DAPK1: variants seen among roughly 807,000 people sequenced by gnomAD.
The protein encoded by DAPK1 is death associated protein kinase 1.
In DAPK1, 56 loss-of-function variants were observed where a neutral mutation model predicts 144.9. The observed-to-expected ratio is 0.39, with a 90% CI of 0.31 to 0.48. DAPK1 has a LOEUF of 0.48. DAPK1 is among the 20% of genes least tolerant of loss of function. DAPK1 has a pLI of 0.95. For missense variants in DAPK1, 1,454 were observed against 1,875.4 expected (o/e 0.78, Z 4.15); for synonymous variants, 690 against 749.0 (o/e 0.92, Z 1.29).
At chr9:87,498,874 G>A (rs369640300) in intron 1 of DAPK1, 96 bp from the exon 2 acceptor site, 2 of 507,226 alleles carry the variant, frequency 3.9e-6, no homozygotes, top group Non-Finnish European at 3.6e-6. Context: ...CCGGAGACCC[G>A]GTCTTCAGCG....
intron 17 of DAPK1, among the ~76,000 whole-genome samples, chr9:87,654,942 C>T (rs1161394025): frequency 6.6e-6 from 1 of 152,178 alleles, no homozygotes; most frequent in African/African-American, 2.4e-5. Context: ...AAGACAGTCC[C>T]AGACTTTCAT....
chr9:87,669,769 G>GA (rs1018655550), intron 19 of DAPK1, among the ~76,000 whole-genome samples: 7 of 151,776 alleles, frequency 4.6e-5, no homozygotes, highest in Non-Finnish European at 5.9e-5. Context: ...GGGGCAGGGG[G>GA]GGGCCACAGA....
intron 23 of DAPK1, among the ~76,000 whole-genome samples, chr9:87,699,798 T>G (rs1825394864): frequency 6.6e-6 from 1 of 152,218 alleles, no homozygotes; most frequent in South Asian, 2.1e-4. Context: ...TGTCCTCACT[T>G]GTAAGGTGCG....
rs1824240870 is a variant in DAPK1, at chr9:87,498,003, C to T, written c.-213C>T. The T allele has an allele frequency of 2.5e-6, 1 of 397,676 alleles. No individual in the cohort carries two copies. Among genetic ancestry groups the T allele is most frequent in the East Asian group, 3.6e-5 (1 of 28,022 alleles). The allele number at this position is 397,676 out of a possible 1,614,324, so 24.6% of individuals were successfully genotyped here. ...AGGGATCTGCGCCCCCCACTCACTCCCTAGCTGTGTTCCCGCCGCCGCCCC... is the reference window on the plus strand; with the variant it reads ...AGGGATCTGCGCCCCCCACTCACTCTCTAGCTGTGTTCCCGCCGCCGCCCC... On this transcript the variant is annotated 5_prime_UTR_variant, in exon 1 of 26. Coordinates refer to ENST00000408954, the MANE Select transcript of DAPK1 (RefSeq NM_004938.4).
chr9:87,609,882 T>A (rs1006982993), intron 3 of DAPK1, among the ~76,000 whole-genome samples: 5 of 152,096 alleles, frequency 3.3e-5, no homozygotes, highest in African/African-American at 1.2e-4. Context: ...ATGAAGCGGG[T>A]CCCCTTGTTG....
upstream of DAPK1, among the ~76,000 whole-genome samples, chr9:87,497,500 C>T (rs932285827): frequency 2.0e-5 from 3 of 152,218 alleles, no homozygotes; most frequent in East Asian, 5.8e-4. Context: ...AGCACCGTGC[C>T]CGGCACAAGC....
At chr9:87,617,643 T>G (rs1829144947) in intron 3 of DAPK1, among the ~76,000 whole-genome samples, 5 of 152,156 alleles carry the variant, frequency 3.3e-5, no homozygotes, top group Admixed American at 2.6e-4. Flanking sequence ...AGTGTATTAA[T>G]TTGTATGCAG....
Position 87,582,134 on chromosome 9 carries a change from CT to C in DAPK1, c.63-22811del, listed in dbSNP as rs145183230. Among the ~76,000 whole-genome samples the C allele has an allele frequency of 8.4e-3, 1,263 of 150,308 alleles. 22 individuals carry two copies. The highest frequency in any genetic ancestry group is 0.029 in the African/African-American group (1,197 of 41,100). On this transcript the variant is annotated intron_variant, in intron 2 of 25. Transcript: ENST00000408954. ...ACCAGGTGGAGCCTTCTCCTCCGGT[CT>C]TTTTTTTTAATGAGCTGGAGTAGCT...
chr9:87,658,152 A>T (rs367700190), intron 18 of DAPK1, 25 bp downstream of exon 18: 4 of 956,336 alleles, frequency 4.2e-6, no homozygotes, highest in Non-Finnish European at 6.8e-6. Flanking sequence ...GGCTTCGTGA[A>T]GGAGGGAGCT....
At chr9:87,684,315 G>A (rs1444219558) in intron 20 of DAPK1, among the ~76,000 whole-genome samples, 1 of 152,220 alleles carries the variant, frequency 6.6e-6, no homozygotes, top group Non-Finnish European at 1.5e-5. Flanking sequence ...CTGCCAGGGG[G>A]CACTGCTCGT....
At chr9:87,598,543 T>G (rs1458367204) in intron 2 of DAPK1, among the ~76,000 whole-genome samples, 1 of 152,116 alleles carries the variant, frequency 6.6e-6, no homozygotes, top group East Asian at 1.9e-4. Context: ...CATGTCTGGA[T>G]CAGGGCCAGC....
intron 21 of DAPK1, among the ~76,000 whole-genome samples, chr9:87,694,640 G>A (rs1045508799): frequency 6.6e-6 from 1 of 152,188 alleles, no homozygotes; most frequent in African/African-American, 2.4e-5. Flanking sequence ...TTCTGTCCTT[G>A]GGGCAGATGA....
In DAPK1 at chr9:87,500,600, A is replaced by ATAATAATAT. The variant is rs1824354348; in HGVS notation, c.62+1461_62+1462insTAATAATAT. ...GTTGAGATTATTATATTATGGATTA[A>ATAATAATAT]GTATATTGACCTTATTTTCATTATG... On this transcript the variant is annotated intron_variant, in intron 2 of 25. Transcript: ENST00000408954. 2.0e-5 allele frequency among the ~76,000 whole-genome samples: 3 copies of ATAATAATAT among 152,194 alleles called. No homozygotes were observed. In the South Asian group the frequency reaches 6.2e-4, roughly 32 times the overall value.
chr9:87,687,429 C>A (rs1176338927), intron 21 of DAPK1, among the ~76,000 whole-genome samples: 1 of 152,148 alleles, frequency 6.6e-6, no homozygotes, highest in African/African-American at 2.4e-5. Context: ...AACATAATGA[C>A]CTCCAGTTCT....
chr9:87,603,351 A>C lies in DAPK1; in HGVS notation c.63-1603A>C, dbSNP rs148429522. 4.8e-3 allele frequency among the ~76,000 whole-genome samples: 726 copies of C among 152,252 alleles called. 6 individuals carry two copies. Among genetic ancestry groups the C allele is most frequent in the African/African-American group, 0.017 (689 of 41,538 alleles). Reference sequence around the variant, plus strand: ...CATTACATAGACCCCGTAATTGTTTAAGGTAGCGAGTTTACAGGCAGTCGG... The same window carrying C: ...CATTACATAGACCCCGTAATTGTTTCAGGTAGCGAGTTTACAGGCAGTCGG... On this transcript the variant is annotated intron_variant, in intron 2 of 25. Transcript: ENST00000408954.
chr9:87,532,745 C>T (rs1825739055), intron 2 of DAPK1, among the ~76,000 whole-genome samples: 1 of 152,210 alleles, frequency 6.6e-6, no homozygotes, highest in African/African-American at 2.4e-5. Context: ...CTTCTCACCT[C>T]TCCCTCTTTT....
intron 2 of DAPK1, among the ~76,000 whole-genome samples, chr9:87,594,822 C>T (rs765933115): frequency 6.6e-6 from 1 of 152,196 alleles, no homozygotes; most frequent in Non-Finnish European, 1.5e-5. Flanking sequence ...GCCCTTTCAC[C>T]AGTAGCCAGA....
At chr9:87,659,540 G>A (rs763241363) in intron 18 of DAPK1, among the ~76,000 whole-genome samples, 3 of 152,230 alleles carry the variant, frequency 2.0e-5, no homozygotes, top group African/African-American at 4.8e-5. Flanking sequence ...AGCAGCTGAC[G>A]CTGCTGATTC....
chr9:87,623,628 C>A (rs1381803928), intron 3 of DAPK1, among the ~76,000 whole-genome samples: 3 of 152,078 alleles, frequency 2.0e-5, no homozygotes, highest in African/African-American at 7.2e-5. Context: ...AGTGGTGACG[C>A]TATGGGCTAG....
Sources: gnomAD v4.1 joint callset for allele counts (sites outside exome capture counted in the v4.1 genomes callset) on GRCh38, gnomAD v4.1.1 for gene constraint, MANE v1.5 for transcripts, NCBI Gene and HGNC (gene_info 2026-07-23, HGNC 2026-07-21) for gene names.